The following HLA-DOA variants were observed in gnomAD, a reference collection of about 807,000 sequenced individuals.
HLA-DOA encodes the protein HLA class II histocompatibility antigen, DO alpha chain.
A neutral mutation model predicts 22.9 loss-of-function variants in HLA-DOA; 27 were observed. The ratio of observed to expected loss-of-function variants is 1.18; its 90% confidence interval spans 0.87 to 1.62. HLA-DOA has a LOEUF of 1.62. Ranked by LOEUF, HLA-DOA falls within the 40% of genes most tolerant of loss-of-function variation. HLA-DOA has a pLI of 0.00. For synonymous variants in HLA-DOA, 137 were observed against 138.6 expected, an observed-to-expected ratio of 0.99 and a Z score of 0.08; for missense variants, 324 against 332.4, an observed-to-expected ratio of 0.97 and a Z score of 0.20.
chr6:33,007,254 A>T (rs773832949), intron 3 of HLA-DOA, 39 bp from the exon 4 acceptor site: 1 of 1,613,388 alleles, frequency 6.2e-7, no homozygotes, highest in Non-Finnish European at 8.5e-7. Flanking sequence ...ATATGAAAGG[A>T]TTCTAGAGTA....
chr6:33,007,015 C>T lies in HLA-DOA; in HGVS notation c.749+65G>A, dbSNP rs570771202. The T allele has an allele frequency of 7.2e-4, 1,123 of 1,557,254 alleles. 4 individuals carry two copies. Among genetic ancestry groups the T allele is most frequent in the Non-Finnish European group, 9.2e-4 (1,049 of 1,142,964 alleles). Reference sequence around the variant, plus strand: ...CCACAACAGAATCTCTGATTCTCCACCCACGTCCTGTTCAGAGTCATCCAC... The same window carrying T: ...CCACAACAGAATCTCTGATTCTCCATCCACGTCCTGTTCAGAGTCATCCAC... On this transcript the variant is annotated intron_variant, in intron 4 of 4. Transcript: ENST00000229829.
Position 33,008,036 on chromosome 6 carries a change from G to A in HLA-DOA, c.308C>T (p.Ser103Phe), listed in dbSNP as rs1428874111. The change falls in exon 2 of 5, where the codon TCC becomes TTC. Residue 103 changes from serine to phenylalanine, a missense_variant. Physicochemically the swap from Ser to Phe is radical, Grantham distance 155. Transcript: ENST00000229829. ...KAHLDILVER[S>F]NRSRAINVPP... ...ACCGTTGATGGCTCTGCTGCGGTTG[G>A]AGCGCTCCACCAGGATGTCCAGATG... The A allele has an allele frequency of 1.2e-6, 2 of 1,612,856 alleles. No individual in the cohort carries two copies. The highest frequency in any genetic ancestry group is 1.7e-6 in the Non-Finnish European group (2 of 1,179,962).
In HLA-DOA at chr6:33,005,585, T is replaced by G. The variant is rs1367512103; in HGVS notation, c.*1253A>C. 1 of 151,898 alleles carries G rather than the reference T, an allele frequency of 6.6e-6. No homozygotes were observed. The highest frequency in any genetic ancestry group is 2.4e-5 in the African/African-American group (1 of 41,292). 9.4% of individuals were successfully genotyped at this position (151,898 alleles called of 1,614,324 possible). A position where few individuals can be genotyped will look rare whatever the true frequency, so the allele number is the denominator to read the frequency against. On this transcript the variant is annotated 3_prime_UTR_variant, in exon 5 of 5. Transcript: ENST00000229829. The stretch of plus-strand genomic sequence containing the variant: ...ACTGTTATTTTTATATTTTATTTAT[T>G]TATTTATTTAGAGACAGGGTCTCAC...
intron 2 of HLA-DOA, chr6:33,007,796 G>A (rs1780886715): frequency 1.2e-6 from 1 of 826,798 alleles, no homozygotes; most frequent in Middle Eastern, 3.7e-4. Context: ...TATTTGACTG[G>A]TCCCTGGGCG....
rs771086143 is a variant in HLA-DOA at position 33,007,605 on chromosome 6, G to A, written c.332-13C>T. ...ACCCGTGGAGGCACTAGGAGGAACA[G>A]GCCCTGAGTCCACAGGCTCATCCCT... On this transcript the variant is annotated splice_polypyrimidine_tract_variant and intron_variant, in intron 2 of 4. Coordinates refer to ENST00000229829, the MANE Select transcript of HLA-DOA (RefSeq NM_002119.4). 2 of 1,603,302 alleles carry A rather than the reference G, an allele frequency of 1.2e-6. No individual in the cohort carries two copies. Among genetic ancestry groups the A allele is most frequent in the Non-Finnish European group, 8.5e-7 (1 of 1,175,154 alleles).
rs774696923 is a variant in HLA-DOA, at chr6:33,006,792, G to A, written c.*46C>T. On this transcript the variant is annotated 3_prime_UTR_variant, in exon 5 of 5. Coordinates refer to ENST00000229829, the MANE Select transcript of HLA-DOA (RefSeq NM_002119.4). ...CGCAGGGGCTGTCACAAACCCATGA[G>A]GATCTGCAGGGTGTCTCCCACAAGT... The A allele has an allele frequency of 1.1e-5, 17 of 1,612,856 alleles. No individual in the cohort carries two copies. Among genetic ancestry groups the A allele is most frequent in the East Asian group, 4.5e-5 (2 of 44,896 alleles).
At position 33,008,193 on chromosome 6, in the gene HLA-DOA, C is replaced by G. The variant is rs754692784; in HGVS notation, c.151G>C (p.Glu51Gln). The G allele has an allele frequency of 6.2e-7, 1 of 1,613,104 alleles. No individual in the cohort carries two copies. The highest frequency in any genetic ancestry group is 8.5e-7 in the Non-Finnish European group (1 of 1,180,038). The change falls in exon 2 of 5, where the codon GAA becomes CAA. Residue 51 changes from glutamate (E) to glutamine (Q), a missense_variant. Transcript: ENST00000229829. ...GAGAACAGCTGTTCCTCATCAAATT[C>G]ATGGGTGAACTGGCCCGAGGCGCCG... ...SYGASGQFTH[E>Q]FDEEQLFSVD...
Position 33,005,927 on chromosome 6 carries a change from C to T in HLA-DOA, c.*911G>A, listed in dbSNP as rs1476385579. ...ATCCCAAGCAGTTCTTATGTGCATTCTGGTTTGAAAACCGTAATCTGTATT... is the reference window on the plus strand; with the variant it reads ...ATCCCAAGCAGTTCTTATGTGCATTTTGGTTTGAAAACCGTAATCTGTATT... On this transcript the variant is annotated 3_prime_UTR_variant, in exon 5 of 5. Coordinates refer to ENST00000229829, the MANE Select transcript of HLA-DOA (RefSeq NM_002119.4). 3 of 152,240 alleles carry T rather than the reference C, an allele frequency of 2.0e-5. No homozygotes were observed. Among genetic ancestry groups the T allele is most frequent in the African/African-American group, 4.8e-5 (2 of 41,452 alleles). The allele number at this position is 152,240 out of a possible 1,614,324, so 9.4% of individuals were successfully genotyped here. A position where few individuals can be genotyped will look rare whatever the true frequency, so the allele number is the denominator to read the frequency against.
chr6:33,007,108 T>A lies in HLA-DOA; in HGVS notation c.721A>T (p.Met241Leu). ...GGGACACTGGACACATATGTGCCCA[T>A]GATGATGAGGACGGTGCCCACGAGG... ...GFLVGTVLII[M>L]GTYVSSVPR Residue 241 changes from methionine (M) to leucine (L), a missense_variant, in exon 4 of 5, where the codon ATG becomes TTG. Transcript: ENST00000229829. 1 of 1,613,568 alleles carries A rather than the reference T, an allele frequency of 6.2e-7. No homozygotes were observed. Among genetic ancestry groups the A allele is most frequent in the Non-Finnish European group, 8.5e-7 (1 of 1,179,896 alleles).
In HLA-DOA at chr6:33,009,424, C is replaced by G; in HGVS notation, c.82+31G>C. 1 of 1,509,720 alleles carries G rather than the reference C, an allele frequency of 6.6e-7. No homozygotes were observed. The highest frequency in any genetic ancestry group is 1.2e-5 in the South Asian group (1 of 81,136). 93.5% of individuals were successfully genotyped at this position (1,509,720 alleles called of 1,614,324 possible). The stretch of plus-strand genomic sequence containing the variant: ...AACCCAACTCCGTAAATCTCTGCTC[C>G]CCGCCGCACCCTCCTCGCCCTCGCA... On this transcript the variant is annotated intron_variant, in intron 1 of 4. Coordinates refer to ENST00000229829, the MANE Select transcript of HLA-DOA (RefSeq NM_002119.4). The surrounding 1 kb of genome is among the most constrained non-coding windows in gnomAD (Gnocchi z 4.8).
At position 33,006,521 on chromosome 6, in the gene HLA-DOA, AC is replaced by A. The variant is rs2127549048; in HGVS notation, c.*316del. On this transcript the variant is annotated 3_prime_UTR_variant, in exon 5 of 5. Coordinates refer to ENST00000229829, the MANE Select transcript of HLA-DOA (RefSeq NM_002119.4). ...GCCAATCCCCAGCACCACATGCCTC[AC>A]CCCTGGAAGAACTGGCCAAGGCCTG... 1.8e-6 allele frequency: 1 copy of A among 549,102 alleles called. No homozygotes were observed. The highest frequency in any genetic ancestry group is 1.9e-5 in the African/African-American group (1 of 53,168). The allele number at this position is 549,102 out of a possible 1,614,324, so 34.0% of individuals were successfully genotyped here.
chr6:33,005,897 A>T lies in HLA-DOA; in HGVS notation c.*941T>A, dbSNP rs1364006628. 2 of 152,224 alleles carry T rather than the reference A, an allele frequency of 1.3e-5. No individual in the cohort carries two copies. Among genetic ancestry groups the T allele is most frequent in the African/African-American group, 4.8e-5 (2 of 41,440 alleles). The allele number at this position is 152,224 out of a possible 1,614,324, so 9.4% of individuals were successfully genotyped here. A position where few individuals can be genotyped will look rare whatever the true frequency, so the allele number is the denominator to read the frequency against. Reference sequence around the variant, plus strand: ...CACCAGGCCAATGCCTGTACTTTTAAAAGGATCCCAAGCAGTTCTTATGTG... The same window carrying T: ...CACCAGGCCAATGCCTGTACTTTTATAAGGATCCCAAGCAGTTCTTATGTG... On this transcript the variant is annotated 3_prime_UTR_variant, in exon 5 of 5. Transcript: ENST00000229829.
rs1780787511 is a variant in HLA-DOA, at chr6:33,005,826, T to A, written c.*1012A>T. 4 of 152,166 alleles carry A rather than the reference T, an allele frequency of 2.6e-5. No homozygotes were observed. Among genetic ancestry groups the A allele is most frequent in the Admixed American group, 2.0e-4 (3 of 15,274 alleles). The allele number at this position is 152,166 out of a possible 1,614,324, so 9.4% of individuals were successfully genotyped here. ...CACCTCTTGGCCTCAAGCAGTCCTG[T>A]CCCCTTGGCCTCCCAAAGTGCTGGG... On this transcript the variant is annotated 3_prime_UTR_variant, in exon 5 of 5. Transcript: ENST00000229829.
rs549153086 is a variant in HLA-DOA at position 33,004,348 on chromosome 6, A to G, written c.*2490T>C. 1 of 152,192 alleles carries G rather than the reference A, an allele frequency of 6.6e-6. No homozygotes were observed. Among genetic ancestry groups the G allele is most frequent in the Non-Finnish European group, 1.5e-5 (1 of 68,050 alleles). The allele number at this position is 152,192 out of a possible 1,614,324, so 9.4% of individuals were successfully genotyped here. A position where few individuals can be genotyped will look rare whatever the true frequency, so the allele number is the denominator to read the frequency against. ...TGTGATGTCTTCTGAGAACCAACTT[A>G]TTCCTCTTTCTCTGAGAAGAACTTG... On this transcript the variant is annotated 3_prime_UTR_variant, in exon 5 of 5. Coordinates refer to ENST00000229829, the MANE Select transcript of HLA-DOA (RefSeq NM_002119.4).
chr6:33,006,965 C>T, intron 4 of HLA-DOA, 115 bp downstream of exon 4: 2 of 1,480,588 alleles, frequency 1.4e-6, no homozygotes, highest in Non-Finnish European at 1.9e-6. Flanking sequence ...TTTCTCCCTG[C>T]CCATTTCTTT....
Position 33,007,451 on chromosome 6 carries a change from A to G in HLA-DOA, c.473T>C (p.Val158Ala). The G allele has an allele frequency of 6.2e-7, 1 of 1,611,316 alleles. No individual in the cohort carries two copies. Among genetic ancestry groups the G allele is most frequent in the Middle Eastern group, 1.7e-4 (1 of 6,048 alleles). Residue 158 changes from valine to alanine, a missense_variant, in exon 3 of 5, where the codon GTG becomes GCG. Coordinates refer to ENST00000229829, the MANE Select transcript of HLA-DOA (RefSeq NM_002119.4). ...CTGGGAATAGAAGCTGGTCTGGGCC[A>G]CTCCCTCAGTGACAGTTTGGCCGTT... ...LRNGQTVTEG[V>A]AQTSFYSQPD...
chr6:33,009,384 G>T lies in HLA-DOA; in HGVS notation c.82+71C>A. On this transcript the variant is annotated intron_variant, in intron 1 of 4. Coordinates refer to ENST00000229829, the MANE Select transcript of HLA-DOA (RefSeq NM_002119.4). The surrounding 1 kb of genome is among the most constrained non-coding windows in gnomAD (Gnocchi z 4.8). ...AGCGAGAGGAACAAGCATCCTCCAT[G>T]CCACCTCCTCATGTAACCCAACTCC... 9.0e-7 allele frequency: 1 copy of T among 1,108,500 alleles called. No homozygotes were observed. The allele number at this position is 1,108,500 out of a possible 1,614,324, so 68.7% of individuals were successfully genotyped here.
chr6:33,007,143 A>G lies in HLA-DOA; in HGVS notation c.686T>C (p.Leu229Pro). The G allele has an allele frequency of 6.2e-7, 1 of 1,613,934 alleles. No homozygotes were observed. The highest frequency in any genetic ancestry group is 2.2e-5 in the East Asian group (1 of 44,882). Residue 229 changes from leucine (L) to proline (P), a missense_variant, in exon 4 of 5, where the codon CTG (leucine) becomes CCG (proline). Transcript: ENST00000229829. Reference sequence around the variant, plus strand: ...GACGGTGCCCACGAGGAAGCCCACCAGGCCGATGGCCAGGCCCAGGGCACA... The same window carrying G: ...GACGGTGCCCACGAGGAAGCCCACCGGGCCGATGGCCAGGCCCAGGGCACA... ...LVCALGLAIG[L>P]VGFLVGTVLI...
chr6:33,006,847 A>G lies in HLA-DOA; in HGVS notation c.750-6T>C, dbSNP rs146280936. 5.4e-4 allele frequency: 872 copies of G among 1,608,512 alleles called. 4 individuals carry two copies. In the African/African-American group the frequency reaches 9.7e-3, roughly 18 times the overall value. ...TCTCTCAGAAGGATCATTACCTAAA[A>G]TAGCAGAAAACATACGATCGAGGTT... On this transcript the variant is annotated splice_polypyrimidine_tract_variant and splice_region_variant and intron_variant, in intron 4 of 4. Coordinates refer to ENST00000229829, the MANE Select transcript of HLA-DOA (RefSeq NM_002119.4).
Sources: allele counts gnomAD v4.1 joint callset, GRCh38; gene constraint gnomAD v4.1.1; non-coding constraint Gnocchi (gnomAD v3.1); transcripts MANE v1.5; gene names NCBI Gene and HGNC (gene_info 2026-07-23, HGNC 2026-07-21).